Variants in NUP160 observed in about 807,000 individuals in gnomAD.
NUP160 encodes the protein nucleoporin 160.
NUP160 carries 94 observed loss-of-function variants against 196.9 expected under a neutral mutation model. That is an observed-to-expected ratio of 0.48 (90% confidence interval 0.40 to 0.57). The LOEUF (loss-of-function observed/expected upper bound fraction) is 0.57. Among genes scored for constraint, NUP160 ranks in the 20% least tolerant of loss-of-function variants. NUP160 has a pLI of 0.00. For synonymous variants in NUP160, 605 were observed against 619.7 expected (o/e 0.98, Z 0.35); for missense variants, 1,638 against 1,748.3 (o/e 0.94, Z 1.13).
intron 9 of NUP160, among the ~76,000 whole-genome samples, chr11:47,820,904 G>A (rs555336788): frequency 2.0e-5 from 3 of 152,148 alleles, no homozygotes; most frequent in African/African-American, 7.2e-5. Flanking sequence ...GACAGGTCTT[G>A]AACCATGGCC....
At chr11:47,795,585 C>T (rs1234077572) in intron 27 of NUP160, among the ~76,000 whole-genome samples, 1 of 152,130 alleles carries the variant, frequency 6.6e-6, no homozygotes, top group African/African-American at 2.4e-5. Context: ...AGACATTCCA[C>T]AGTGATTATA....
At chr11:47,798,542 G>T in intron 23 of NUP160, 79 bp from the exon 24 acceptor site, 1 of 834,320 alleles carries the variant, frequency 1.2e-6, no homozygotes, top group South Asian at 1.6e-5. Flanking sequence ...TAAAATTATT[G>T]AGAAAGGTTA....
At chr11:47,834,491 G>C (rs1852137168) in intron 7 of NUP160, among the ~76,000 whole-genome samples, 1 of 152,060 alleles carries the variant, frequency 6.6e-6, no homozygotes, top group South Asian at 2.1e-4. Flanking sequence ...TGATACTTTT[G>C]GGCCATATTA....
intron 18 of NUP160, among the ~76,000 whole-genome samples, chr11:47,807,684 G>C (rs1055387133): frequency 6.6e-6 from 1 of 151,550 alleles, no homozygotes; most frequent in Non-Finnish European, 1.5e-5. Flanking sequence ...AAAAAAAAAA[G>C]TGAATCTTGT....
chr11:47,823,376 GT>G (rs1426309013), intron 7 of NUP160, among the ~76,000 whole-genome samples: 2 of 152,004 alleles, frequency 1.3e-5, no homozygotes, highest in African/African-American at 2.4e-5. Flanking sequence ...CTAGCCCCTT[GT>G]AACACCACTT....
chr11:47,841,632 G>A (rs1852299529), intron 2 of NUP160: 4 of 412,182 alleles, frequency 9.7e-6, no homozygotes, highest in South Asian at 8.8e-5. Context: ...CCTGGAACGT[G>A]CTCTAGTTCG....
At position 47,801,947 on chromosome 11, in the gene NUP160, T is replaced by C; in HGVS notation, c.2776-17A>G. ...TTCCAGAGCCTGGAGAAATAAAATATAAAATGACTTGTAACAGATCATTCA... is the reference window on the plus strand; with the variant it reads ...TTCCAGAGCCTGGAGAAATAAAATACAAAATGACTTGTAACAGATCATTCA... On this transcript the variant is annotated splice_polypyrimidine_tract_variant and intron_variant, in intron 22 of 35. Transcript: ENST00000378460. 6.2e-7 allele frequency: 1 copy of C among 1,612,970 alleles called. No homozygotes were observed. Among genetic ancestry groups the C allele is most frequent in the Non-Finnish European group, 8.5e-7 (1 of 1,179,218 alleles).
chr11:47,785,919 G>T (rs1263621473), intron 32 of NUP160, among the ~76,000 whole-genome samples: 2 of 152,238 alleles, frequency 1.3e-5, no homozygotes, highest in East Asian at 3.8e-4. Flanking sequence ...TTTACTGAGG[G>T]TTAGGAATGT....
At chr11:47,814,539 A>G (rs960927874) in intron 13 of NUP160, among the ~76,000 whole-genome samples, 15 of 131,012 alleles carry the variant, frequency 1.1e-4, no homozygotes, top group African/African-American at 4.0e-4. Flanking sequence ...AGACTGTCTC[A>G]AAAAAAAAAA....
chr11:47,831,104 A>G (rs1852064956), intron 7 of NUP160, among the ~76,000 whole-genome samples: 2 of 152,130 alleles, frequency 1.3e-5, no homozygotes, highest in South Asian at 4.1e-4. Flanking sequence ...CGGAGGTTGC[A>G]GTGAGCCGAG....
At chr11:47,784,402 A>G (rs1387524847) in intron 33 of NUP160, among the ~76,000 whole-genome samples, 1 of 152,246 alleles carries the variant, frequency 6.6e-6, no homozygotes, top group African/African-American at 2.4e-5. Flanking sequence ...CACTCAGACC[A>G]GCCATAGTGT....
chr11:47,840,097 A>T, intron 3 of NUP160, 32 bp from the exon 4 acceptor site: 2 of 1,533,762 alleles, frequency 1.3e-6, no homozygotes, highest in Non-Finnish European at 1.8e-6. Context: ...AAATCTATTA[A>T]ATCAAAATAA....
intron 27 of NUP160, among the ~76,000 whole-genome samples, chr11:47,793,655 T>C (rs989721844): frequency 3.3e-5 from 5 of 151,148 alleles, no homozygotes; most frequent in East Asian, 1.9e-4. Flanking sequence ...CAAGTGTCCA[T>C]TGATGGATGA....
intron 23 of NUP160, among the ~76,000 whole-genome samples, chr11:47,798,900 C>T (rs1221214725): frequency 6.7e-6 from 1 of 149,746 alleles, no homozygotes; most frequent in Non-Finnish European, 1.5e-5. Context: ...TGGCTCACAC[C>T]TGTCATTCTG....
intron 23 of NUP160, among the ~76,000 whole-genome samples, chr11:47,798,986 A>G (rs2135359410): frequency 6.6e-6 from 1 of 151,894 alleles, no homozygotes; most frequent in Admixed American, 6.6e-5. Flanking sequence ...AAGAATAAAT[A>G]CGATTTCACT....
In NUP160 at chr11:47,818,191, C is replaced by T. The variant is rs1324391208; in HGVS notation, c.1363-67G>A. ...AAATTTGGAATTCAACACATAACAC[C>T]AAAGTTTGAGTTTCTACTATATGAA... On this transcript the variant is annotated intron_variant, in intron 10 of 35. Transcript: ENST00000378460. The T allele has an allele frequency of 3.9e-6, 4 of 1,014,592 alleles. No homozygotes were observed. The East Asian group carries it at 9.5e-5, about 24-fold the overall frequency. 62.8% of individuals were successfully genotyped at this position (1,014,592 alleles called of 1,614,324 possible). A position where few individuals can be genotyped will look rare whatever the true frequency, so the allele number is the denominator to read the frequency against.
At chr11:47,789,047 T>C (rs1438980277) in intron 29 of NUP160, among the ~76,000 whole-genome samples, 1 of 152,076 alleles carries the variant, frequency 6.6e-6, no homozygotes, top group Non-Finnish European at 1.5e-5. Context: ...CAGCTAATTT[T>C]TGTATTTTTA....
At chr11:47,809,256 C>CAAA (rs35748617) in intron 17 of NUP160, among the ~76,000 whole-genome samples, 97 of 94,124 alleles carry the variant, frequency 1.0e-3, no homozygotes, top group Non-Finnish European at 1.2e-3. Flanking sequence ...GAACTTGTCT[C>CAAA]AAAAAAAAAA....
chr11:47,784,033 A>AC lies in NUP160; in HGVS notation c.3991-836_3991-835insG, dbSNP rs1230341224. On this transcript the variant is annotated intron_variant, in intron 33 of 35. Transcript: ENST00000378460. ...AAAAAAAAACAAAAACAAAAACAAA[A>AC]AAAACAAAACAAAACAAAACAAAAA... Among the ~76,000 whole-genome samples, 405 of 152,082 alleles carry AC rather than the reference A, an allele frequency of 2.7e-3. 2 individuals are homozygous for AC. Among genetic ancestry groups the AC allele is most frequent in the Admixed American group, 3.9e-3 (60 of 15,244 alleles).
Sources: gnomAD v4.1 joint callset for allele counts (sites outside exome capture counted in the v4.1 genomes callset) on GRCh38, gnomAD v4.1.1 for gene constraint, MANE v1.5 for transcripts, NCBI Gene and HGNC (gene_info 2026-07-23, HGNC 2026-07-21) for gene names.